EAF2: variants seen among roughly 807,000 people sequenced by gnomAD.
The protein encoded by EAF2 is ELL associated factor 2.
EAF2 carries 29 observed loss-of-function variants against 29.4 expected under a neutral mutation model. That is an observed-to-expected ratio of 0.99 (90% confidence interval 0.73 to 1.35). EAF2 has a LOEUF of 1.35. Ranked by LOEUF, EAF2 falls within the 40% of genes most tolerant of loss-of-function variation. The pLI, the probability that EAF2 is intolerant of heterozygous loss-of-function variation, is 0.00. For synonymous variants in EAF2, 103 were observed against 102.5 expected (o/e 1.00, Z -0.03); for missense variants, 292 against 312.0 (o/e 0.94, Z 0.48).
intron 4 of EAF2, among the ~76,000 whole-genome samples, chr3:121,863,343 C>G (rs996242261): frequency 1.3e-4 from 20 of 152,178 alleles, no homozygotes; most frequent in African/African-American, 4.8e-4. Context: ...TGGGCTCCAC[C>G]TGGTTCAAGC....
At chr3:121,853,379 T>C (rs1708665807) in intron 2 of EAF2, among the ~76,000 whole-genome samples, 1 of 152,214 alleles carries the variant, frequency 6.6e-6, no homozygotes, top group South Asian at 2.1e-4. Flanking sequence ...CTTGTCTCTT[T>C]TATTCTTTAA....
chr3:121,849,335 A>G (rs138960869), intron 2 of EAF2, among the ~76,000 whole-genome samples: 1 of 152,314 alleles, frequency 6.6e-6, no homozygotes, highest in African/African-American at 2.4e-5. Context: ...AAAAATTAAT[A>G]AAAACGAACA....
chr3:121,846,929 C>T (rs1323840791), intron 2 of EAF2, among the ~76,000 whole-genome samples: 1 of 152,122 alleles, frequency 6.6e-6, no homozygotes, highest in African/African-American at 2.4e-5. Context: ...AAAGGAAGCA[C>T]AGTTACAGGA....
At chr3:121,877,619 TATA>T (rs1709122501) in intron 5 of EAF2, among the ~76,000 whole-genome samples, 1 of 143,488 alleles carries the variant, frequency 7.0e-6, no homozygotes, top group African/African-American at 2.6e-5. Flanking sequence ...AAAAGGCAAC[TATA>T]ATGAGATTAC....
At chr3:121,865,962 C>A (rs563077576) in intron 4 of EAF2, among the ~76,000 whole-genome samples, 62 of 152,256 alleles carry the variant, frequency 4.1e-4, no homozygotes, top group African/African-American at 1.4e-3. Flanking sequence ...ACCTAAGATT[C>A]TTCTCTCTCA....
intron 4 of EAF2, among the ~76,000 whole-genome samples, chr3:121,861,268 G>A (rs1228289191): frequency 6.6e-6 from 1 of 151,972 alleles, no homozygotes; most frequent in Admixed American, 6.6e-5. Flanking sequence ...TTGACAGTGG[G>A]GTGTTAAAGT....
intron 4 of EAF2, among the ~76,000 whole-genome samples, chr3:121,865,358 C>A (rs1333019873): frequency 6.6e-6 from 1 of 152,158 alleles, no homozygotes; most frequent in African/African-American, 2.4e-5. Flanking sequence ...ACTTCATTTA[C>A]CTTGAGATAT....
chr3:121,836,275 C>G (rs1708278970), intron 1 of EAF2: 1 of 152,262 alleles, frequency 6.6e-6, no homozygotes, highest in African/African-American at 2.4e-5. Flanking sequence ...TTTTTCACTT[C>G]CTTTCCCCAG....
intron 5 of EAF2, among the ~76,000 whole-genome samples, chr3:121,880,112 A>G (rs1323441011): frequency 1.3e-5 from 2 of 151,668 alleles, no homozygotes; most frequent in Non-Finnish European, 2.9e-5. Flanking sequence ...GGTTAAATTT[A>G]TTCCTAGGTT....
chr3:121,851,234 G>A (rs1264230295), intron 2 of EAF2, among the ~76,000 whole-genome samples: 2 of 152,050 alleles, frequency 1.3e-5, no homozygotes, highest in African/African-American at 2.4e-5. Context: ...CTGGAGTGCA[G>A]TGGCACAATT....
chr3:121,878,925 A>T (rs562513194), intron 5 of EAF2, among the ~76,000 whole-genome samples: 99 of 152,278 alleles, frequency 6.5e-4, no homozygotes, highest in Middle Eastern at 3.4e-3. Context: ...TTGCTGGAGC[A>T]TACAGTAGAT....
At chr3:121,844,628 G>A (rs1708491220) in intron 2 of EAF2, 81 bp downstream of exon 2, 2 of 946,154 alleles carry the variant, frequency 2.1e-6, no homozygotes, top group Admixed American at 2.4e-5. Flanking sequence ...CACAATTTGT[G>A]TAGTGATAAT....
In EAF2 at chr3:121,835,380, A is replaced by G. The variant is rs556452858; in HGVS notation, c.95A>G (p.His32Arg). 1.2e-6 allele frequency: 2 copies of G among 1,613,974 alleles called. No individual in the cohort carries two copies. Among genetic ancestry groups the G allele is most frequent in the African/African-American group, 1.3e-5 (1 of 75,054 alleles). Residue 32 changes from histidine (H) to arginine (R), a missense_variant, in exon 1 of 6, where the codon CAC becomes CGC. His to Arg is a conservative substitution (Grantham distance 29). Transcript: ENST00000273668. ...SFEKQPRCAF[H>R]TVRYDFKPAS... is the part of the protein sequence containing the mutation. ...GAGAAGCAGCCGCGCTGCGCCTTCC[A>G]CACTGTGCGCTGTGAGTGAGGACCA...
intron 2 of EAF2, among the ~76,000 whole-genome samples, chr3:121,850,702 TTTA>T (rs1393297353): frequency 2.6e-5 from 4 of 152,184 alleles, no homozygotes; most frequent in African/African-American, 9.6e-5. Context: ...TATTCTTTTT[TTTA>T]TTATTTTTTG....
At chr3:121,854,280 C>T (rs996900973) in intron 2 of EAF2, among the ~76,000 whole-genome samples, 7 of 142,538 alleles carry the variant, frequency 4.9e-5, no homozygotes, top group African/African-American at 1.9e-4. Context: ...CGTGCCACTG[C>T]ACTCCAGCCC....
Position 121,844,472 on chromosome 3 carries a change from T to C in EAF2, c.126T>C (p.Ser42=), listed in dbSNP as rs140410765. The change falls in exon 2 of 6, where the codon TCT becomes TCC. Residue 42 remains serine (S), a synonymous_variant. Coordinates refer to ENST00000273668, the MANE Select transcript of EAF2 (RefSeq NM_018456.6). Reference sequence around the variant, plus strand: ...TTTTAGATGACTTCAAACCTGCTTCTATTGACACTTCTTCTGAAGGATACC... The same window carrying C: ...TTTTAGATGACTTCAAACCTGCTTCCATTGACACTTCTTCTGAAGGATACC... ...HTVRYDFKPA[S]IDTSSEGYLE... 162 of 1,608,800 alleles carry C rather than the reference T, an allele frequency of 1.0e-4. 1 individual carries two copies. In the Middle Eastern group the frequency reaches 3.1e-3, roughly 31 times the overall value.
At chr3:121,866,763 A>G (rs1468820538) in intron 4 of EAF2, among the ~76,000 whole-genome samples, 1 of 152,046 alleles carries the variant, frequency 6.6e-6, no homozygotes, top group Non-Finnish European at 1.5e-5. Flanking sequence ...AGAAAAAGAA[A>G]ATAAAATTAC....
intron 4 of EAF2, among the ~76,000 whole-genome samples, chr3:121,871,152 C>T (rs1255475735): frequency 6.6e-6 from 1 of 151,416 alleles, no homozygotes; most frequent in Non-Finnish European, 1.5e-5. Context: ...AAATGGGTAA[C>T]TAACTTGTGG....
chr3:121,864,376 G>A (rs1312442363), intron 4 of EAF2, among the ~76,000 whole-genome samples: 1 of 152,034 alleles, frequency 6.6e-6, no homozygotes, highest in Non-Finnish European at 1.5e-5. Context: ...GCGATACAAC[G>A]GGTCTTGAAT....
Sources: allele counts gnomAD v4.1 joint callset (sites outside exome capture counted in the v4.1 genomes callset), GRCh38; gene constraint gnomAD v4.1.1; transcripts MANE v1.5; gene names NCBI Gene and HGNC (gene_info 2026-07-23, HGNC 2026-07-21).